Variants in DNAH3 observed in about 807,000 individuals in gnomAD.
DNAH3 encodes axonemal beta dynein heavy chain 3.
Under a neutral mutation model 432.5 loss-of-function variants are expected in DNAH3, and 332 were observed. That is an observed-to-expected ratio of 0.77 (90% CI 0.70 to 0.84). The LOEUF (loss-of-function observed/expected upper bound fraction) is 0.84. DNAH3 is among the 40% of genes least tolerant of loss of function. DNAH3 has a pLI of 0.00. For synonymous variants in DNAH3, 1,956 were observed against 1,900.2 expected (o/e 1.03, Z -0.76); for missense variants, 4,861 against 5,114.0 (o/e 0.95, Z 1.51).
intron 16 of DNAH3, among the ~76,000 whole-genome samples, chr16:21,101,603 G>A (rs534735668): frequency 5.9e-5 from 9 of 152,306 alleles, no homozygotes; most frequent in Admixed American, 5.9e-4. Flanking sequence ...ACTTGCAGGG[G>A]TGAGATATGG....
chr16:21,108,797 C>T (rs970237253), intron 14 of DNAH3, among the ~76,000 whole-genome samples: 2 of 151,396 alleles, frequency 1.3e-5, no homozygotes, highest in African/African-American at 2.4e-5. Context: ...TTGCTGTCCT[C>T]GTCCCAAACC....
At chr16:21,094,525 G>A (rs2091625053) in intron 18 of DNAH3, among the ~76,000 whole-genome samples, 1 of 152,168 alleles carries the variant, frequency 6.6e-6, no homozygotes, top group Admixed American at 6.5e-5. Flanking sequence ...GCAAAAATTA[G>A]CCAGGTGTGG....
At chr16:20,960,591 A>G (rs911304803) in intron 53 of DNAH3, among the ~76,000 whole-genome samples, 8 of 152,182 alleles carry the variant, frequency 5.3e-5, no homozygotes, top group African/African-American at 7.2e-5. Flanking sequence ...AGTCCGAGCT[A>G]CTCGGGAGGC....
intron 48 of DNAH3, among the ~76,000 whole-genome samples, chr16:20,983,898 G>A (rs1335864650): frequency 6.6e-6 from 1 of 151,930 alleles, no homozygotes; most frequent in East Asian, 1.9e-4. Context: ...ATCGTGGTGT[G>A]TGCCTGTAGT....
chr16:21,140,664 CCTT>C (rs2092707127), exon 5 of DNAH3: 21 of 1,614,140 alleles, frequency 1.3e-5, no homozygotes, highest in Non-Finnish European at 1.7e-5. Context: ...GTCTTTACCT[CCTT>C]CTTCATGGGT....
chr16:20,975,885 C>CA (rs1184126032), intron 50 of DNAH3, among the ~76,000 whole-genome samples: 1 of 152,054 alleles, frequency 6.6e-6, no homozygotes, highest in Non-Finnish European at 1.5e-5. Flanking sequence ...GCTGGGACTA[C>CA]AGTCACACAC....
At chr16:20,997,412 C>T (rs760584539) in exon 44 of DNAH3, 4 of 1,614,022 alleles carry the variant, frequency 2.5e-6, no homozygotes, top group Non-Finnish European at 3.4e-6. Flanking sequence ...CTCAGGAGCT[C>T]GATGGGTGGC....
chr16:21,126,248 T>G (rs554925720), intron 8 of DNAH3, among the ~76,000 whole-genome samples: 1 of 152,192 alleles, frequency 6.6e-6, no homozygotes, highest in East Asian at 1.9e-4. Flanking sequence ...CAGTTTCTAA[T>G]TCCCAGTGGA....
At chr16:21,154,777 A>C (rs79962306) in intron 1 of DNAH3, among the ~76,000 whole-genome samples, 1 of 152,294 alleles carries the variant, frequency 6.6e-6, no homozygotes, top group Non-Finnish European at 1.5e-5. Flanking sequence ...CCGAAAACCT[A>C]CATGTAATCT....
At chr16:20,995,829 A>G (rs773436788) in intron 44 of DNAH3, among the ~76,000 whole-genome samples, 1 of 152,214 alleles carries the variant, frequency 6.6e-6, no homozygotes, top group Non-Finnish European at 1.5e-5. Flanking sequence ...TGCAGTCACT[A>G]GTTTCAGCAG....
At chr16:20,980,730 A>G (rs1327373578) in intron 49 of DNAH3, among the ~76,000 whole-genome samples, 1 of 152,230 alleles carries the variant, frequency 6.6e-6, no homozygotes, top group Non-Finnish European at 1.5e-5. Context: ...ATTACCATGG[A>G]AACCAATTAT....
chr16:21,111,636 T>C lies in DNAH3; in HGVS notation c.2089A>G (p.Thr697Ala), dbSNP rs764240772. The change falls in exon 14 of 62, where the codon ACC (threonine) becomes GCC (alanine). Residue 697 changes from threonine (T) to alanine (A), a missense_variant. By Grantham distance (58) the Thr-to-Ala change is moderately conservative. Transcript: ENST00000261383. ...ACAGAATTACAATACCTGGTATTGG[T>C]GTCTCGGTTTACATCCACTTGGAAT... 1.9e-6 allele frequency: 3 copies of C among 1,612,038 alleles called. No individual in the cohort carries two copies. In the African/African-American group the frequency reaches 4.0e-5, roughly 22 times the overall value.
At chr16:20,957,628 C>G (rs894809140) in intron 54 of DNAH3, among the ~76,000 whole-genome samples, 1 of 151,796 alleles carries the variant, frequency 6.6e-6, no homozygotes, top group African/African-American at 2.4e-5. Context: ...GCCTGACCAA[C>G]ATGGAGAAAC....
chr16:21,000,168 G>T, intron 43 of DNAH3, 56 bp downstream of exon 43: 1 of 1,554,142 alleles, frequency 6.4e-7, no homozygotes, highest in African/African-American at 1.4e-5. Flanking sequence ...GCTATAGTTT[G>T]CTGCAGCTTA....
chr16:20,944,661 G>T, exon 58 of DNAH3: 1 of 1,613,954 alleles, frequency 6.2e-7, no homozygotes. Flanking sequence ...AGTCGATATA[G>T]GACTGGAAGG....
At chr16:21,101,852 C>T (rs2091845488) in intron 16 of DNAH3, among the ~76,000 whole-genome samples, 2 of 152,206 alleles carry the variant, frequency 1.3e-5, no homozygotes, top group African/African-American at 4.8e-5. Context: ...GGGCCCAGCC[C>T]GGATCCAACA....
chr16:20,978,792 G>A (rs2085718046), intron 50 of DNAH3, among the ~76,000 whole-genome samples: 1 of 151,884 alleles, frequency 6.6e-6, no homozygotes, highest in Non-Finnish European at 1.5e-5. Context: ...TGATCCTCCC[G>A]GCTTTGACCT....
intron 52 of DNAH3, among the ~76,000 whole-genome samples, chr16:20,967,479 G>A (rs190168127): frequency 1.9e-4 from 27 of 144,960 alleles, no homozygotes; most frequent in African/African-American, 5.9e-4. Context: ...TAGGAGTGGG[G>A]CACAGACTTC....
Position 20,975,302 on chromosome 16 carries a change from T to G in DNAH3, c.8190A>C (p.Gly2730=), listed in dbSNP as rs757363093. The change falls in exon 51 of 62, where the codon GGA becomes GGC. Residue 2730 remains glycine, a synonymous_variant. Transcript: ENST00000261383. ...CATCTGCCTGCACCAGAAGTTTCTT[T>G]CCATCAGCTTCTCTCGTCTCCGCTT... 5.0e-6 allele frequency: 8 copies of G among 1,614,136 alleles called. No individual in the cohort carries two copies. In the Admixed American group the frequency reaches 1.3e-4, roughly 27 times the overall value.
Sources: allele counts gnomAD v4.1 joint callset (sites outside exome capture counted in the v4.1 genomes callset), GRCh38; gene constraint gnomAD v4.1.1; transcripts MANE v1.5; gene names NCBI Gene and HGNC (gene_info 2026-07-23, HGNC 2026-07-21).